IK: variants seen among roughly 807,000 people sequenced by gnomAD.
The protein encoded by IK is protein Red.
IK carries 47 observed loss-of-function variants against 90.9 expected under a neutral mutation model. The ratio of observed to expected loss-of-function variants is 0.52; its 90% CI spans 0.41 to 0.66. The LOEUF is 0.66. Ranked by LOEUF, IK falls within the 30% of genes least tolerant of loss-of-function variation. The pLI, the probability that IK is intolerant of heterozygous loss-of-function variation, is 0.00. For synonymous variants in IK, 201 were observed against 227.5 expected, an observed-to-expected ratio of 0.88 and a Z score of 1.05; for missense variants, 385 against 709.3, an observed-to-expected ratio of 0.54 and a Z score of 5.19.
In IK at chr5:140,659,277, C is replaced by T. The variant is rs779847396; in HGVS notation, c.1177-38C>T. 7.4e-6 allele frequency: 12 copies of T among 1,613,754 alleles called. No homozygotes were observed. In the South Asian group the frequency reaches 1.2e-4, roughly 16 times the overall value. ...GGGGGAGGGATGAGTAGGAATCTCT[C>T]ATGGTAACACTAACTTCACATTTTG... On this transcript the variant is annotated intron_variant, in intron 12 of 19. Coordinates refer to ENST00000417647, the MANE Select transcript of IK (RefSeq NM_006083.4).
intron 14 of IK, 105 bp from the exon 15 acceptor site, chr5:140,660,010 A>G: frequency 2.9e-6 from 3 of 1,029,092 alleles, no homozygotes; most frequent in Non-Finnish European, 4.5e-6. Context: ...CTCACAGCCC[A>G]CTCAGAATTT....
rs971205274 is a variant in IK, at chr5:140,659,018, C to T, written c.1030C>T (p.Arg344Trp). The T allele has an allele frequency of 5.6e-6, 9 of 1,612,764 alleles. No individual in the cohort carries two copies. The highest frequency in any genetic ancestry group is 3.3e-5 in the South Asian group (3 of 91,048). The part of the protein sequence containing the change: ...RDKERERYRE[R>W]ERDRERDRDR... Reference sequence around the variant, plus strand: ...CAAGGAGCGGGAGAGATATCGGGAACGGGAGCGTGATCGGGAAAGAGACAG... The same window carrying T: ...CAAGGAGCGGGAGAGATATCGGGAATGGGAGCGTGATCGGGAAAGAGACAG... Residue 344 changes from arginine to tryptophan, a missense_variant, in exon 12 of 20, where the codon CGG becomes TGG. Arg to Trp is a moderately radical substitution (Grantham distance 101). Coordinates refer to ENST00000417647, the MANE Select transcript of IK (RefSeq NM_006083.4).
At chr5:140,658,815 G>T in intron 11 of IK, 39 bp downstream of exon 11, 1 of 1,601,960 alleles carries the variant, frequency 6.2e-7, no homozygotes, top group Non-Finnish European at 8.5e-7. Flanking sequence ...CAGAGGGAGG[G>T]GGTCTGTACA....
chr5:140,657,985 G>A (rs765991846), intron 10 of IK, among the ~76,000 whole-genome samples: 2 of 152,150 alleles, frequency 1.3e-5, no homozygotes, highest in Non-Finnish European at 2.9e-5. Flanking sequence ...ATACTTGACC[G>A]ACATTTTATT....
chr5:140,660,321 A>G (rs1302220949), intron 15 of IK, 126 bp downstream of exon 15: 8 of 453,724 alleles, frequency 1.8e-5, no homozygotes, highest in African/African-American at 6.7e-5. Flanking sequence ...TTTTGGAGAC[A>G]GAGTCTCACT....
intron 15 of IK, chr5:140,660,489 G>A: frequency 3.7e-6 from 2 of 541,756 alleles, no homozygotes; most frequent in Non-Finnish European, 6.5e-6. Context: ...GTAGAGATGA[G>A]GTTTCACCAT....
intron 9 of IK, 143 bp downstream of exon 9, chr5:140,656,135 T>C (rs1000961668): frequency 2.9e-6 from 2 of 696,972 alleles, no homozygotes; most frequent in African/African-American, 1.8e-5. Context: ...TCCATTCACT[T>C]TTCCACTTTT....
chr5:140,652,252 C>A (rs187621989), intron 4 of IK, 105 bp downstream of exon 4: 2 of 846,752 alleles, frequency 2.4e-6, no homozygotes, highest in East Asian at 5.0e-5. Flanking sequence ...TCTTGAGGCT[C>A]TCTACTTTCT....
In IK at chr5:140,655,907, A is replaced by G. The variant is rs1297248138; in HGVS notation, c.716A>G (p.Tyr239Cys). 4 of 1,594,002 alleles carry G rather than the reference A, an allele frequency of 2.5e-6. No individual in the cohort carries two copies. Among genetic ancestry groups the G allele is most frequent in the Admixed American group, 1.8e-5 (1 of 56,792 alleles). ...TTGTTCCTGCCGGGCCGCATGGCCT[A>G]TGTGGTAGACCTGGATGATGAGTAT... Reference protein sequence around the residue: ...NELFLPGRMAYVVDLDDEYAD... With the variant: ...NELFLPGRMACVVDLDDEYAD... The change falls in exon 9 of 20, where the codon TAT becomes TGT. Residue 239 changes from tyrosine (Y) to cysteine (C), a missense_variant. Tyr to Cys is a radical substitution (Grantham distance 194). Transcript: ENST00000417647.
chr5:140,660,680 C>A (rs1757789443), intron 15 of IK, 78 bp from the exon 16 acceptor site: 3 of 1,128,334 alleles, frequency 2.7e-6, no homozygotes, highest in Non-Finnish European at 4.0e-6. Context: ...ATGCAGATAA[C>A]CTCTTAGTCG....
In IK at chr5:140,654,068, CA is replaced by C; in HGVS notation, c.519+17del. 6.9e-7 allele frequency: 1 copy of C among 1,447,280 alleles called. No individual in the cohort carries two copies. The highest frequency in any genetic ancestry group is 9.7e-7 in the Non-Finnish European group (1 of 1,029,392). The allele number at this position is 1,447,280 out of a possible 1,614,324, so 89.7% of individuals were successfully genotyped here. ...GCTTCAAAAGGTGAGTCCTGGTGGT[CA>C]GGTGGGGAGTAATACTGTCGTGCTG... On this transcript the variant is annotated intron_variant, in intron 6 of 19. Coordinates refer to ENST00000417647, the MANE Select transcript of IK (RefSeq NM_006083.4).
At chr5:140,660,715 G>C (rs73271560) in intron 15 of IK, 43 bp from the exon 16 acceptor site, 17,551 of 1,509,106 alleles carry the variant, frequency 0.012, 461 homozygotes, top group African/African-American at 0.11. Flanking sequence ...TGAAGCATAG[G>C]GTCAGGGTAT....
chr5:140,650,382 AG>A (rs1757594756), intron 2 of IK, among the ~76,000 whole-genome samples: 1 of 152,292 alleles, frequency 6.6e-6, no homozygotes, highest in Middle Eastern at 3.4e-3. Flanking sequence ...CAGCAGGCCA[AG>A]GAAGAGCCCT....
At position 140,651,631 on chromosome 5, in the gene IK, GTTAAT is replaced by G. The variant is rs578240227; in HGVS notation, c.84-77_84-73del. On this transcript the variant is annotated intron_variant, in intron 2 of 19. Transcript: ENST00000417647. ...TTTAATTTGTATTTCCCTGATTTCT[GTTAAT>G]TTAATCATGATTTTTACTTGTTCCT... 3,825 of 731,236 alleles carry G rather than the reference GTTAAT, an allele frequency of 5.2e-3. 21 individuals are homozygous for G. Among genetic ancestry groups the G allele is most frequent in the Admixed American group, 8.8e-3 (330 of 37,540 alleles). 45.3% of individuals were successfully genotyped at this position (731,236 alleles called of 1,614,324 possible).
rs540824213 is a variant in IK, at chr5:140,659,861, G to T, written c.1274+27G>T. On this transcript the variant is annotated intron_variant, in intron 14 of 19. Transcript: ENST00000417647. ...TATCCTTTATTTTAATACGTTCCTG[G>T]GTTCCAGAGAACTGGTCTCTTTACT... 3.3e-6 allele frequency: 5 copies of T among 1,518,076 alleles called. No individual in the cohort carries two copies. The South Asian group carries it at 5.9e-5, about 18-fold the overall frequency. 94.0% of individuals were successfully genotyped at this position (1,518,076 alleles called of 1,614,324 possible).
chr5:140,657,233 C>G (rs1300535623), intron 9 of IK, among the ~76,000 whole-genome samples: 1 of 152,148 alleles, frequency 6.6e-6, no homozygotes, highest in Non-Finnish European at 1.5e-5. Context: ...AAATTTTTGT[C>G]TCACTACAGT....
At chr5:140,648,140 C>G (rs1343747302) in intron 1 of IK, 2 of 715,734 alleles carry the variant, frequency 2.8e-6, no homozygotes, top group Non-Finnish European at 5.1e-6. Context: ...CACTCCTACT[C>G]CAAGTGATGA....
chr5:140,651,827 A>G (rs756048854), intron 3 of IK, 21 bp downstream of exon 3: 23 of 1,442,592 alleles, frequency 1.6e-5, no homozygotes, highest in East Asian at 4.5e-5. Flanking sequence ...GGGTGATCCA[A>G]CCTGTCTCCC....
chr5:140,654,173 G>T (rs1757667700), intron 6 of IK, 121 bp downstream of exon 6: 3 of 660,128 alleles, frequency 4.5e-6, no homozygotes, highest in Non-Finnish European at 8.0e-6. Context: ...GGCTAAAGAT[G>T]GCCCCTCTGA....
Sources: allele counts gnomAD v4.1 joint callset (sites outside exome capture counted in the v4.1 genomes callset), GRCh38; gene constraint gnomAD v4.1.1; transcripts MANE v1.5; gene names NCBI Gene and HGNC (gene_info 2026-07-23, HGNC 2026-07-21).